GRID1: variants seen among roughly 807,000 people sequenced by gnomAD.
GRID1 encodes the protein glutamate receptor ionotropic, delta-1.
In GRID1, 28 loss-of-function variants were observed where a neutral mutation model predicts 98.0. That is an observed-to-expected ratio of 0.29 (90% CI 0.21 to 0.39). GRID1 has a LOEUF of 0.39. Among genes scored for constraint, GRID1 ranks in the 10% least tolerant of loss-of-function variants. The probability of loss-of-function intolerance (pLI) is 1.00; values close to 1 mark genes in which losing one functional copy is unlikely to be tolerated. For synonymous variants in GRID1, 553 were observed against 538.5 expected (o/e 1.03, Z -0.37); for missense variants, 1,111 against 1,340.5 (o/e 0.83, Z 2.67).
chr10:86,255,114 C>G (rs1321661687), intron 2 of GRID1, among the ~76,000 whole-genome samples: 1 of 152,202 alleles, frequency 6.6e-6, no homozygotes, highest in Non-Finnish European at 1.5e-5. Context: ...GGATGTCACC[C>G]CACACCCTTG....
intron 4 of GRID1, among the ~76,000 whole-genome samples, chr10:85,931,383 A>G (rs1021848396): frequency 6.6e-6 from 1 of 152,056 alleles, no homozygotes; most frequent in Non-Finnish European, 1.5e-5. Flanking sequence ...TATTTCTCTG[A>G]TATTTGCCTT....
At chr10:86,300,550 G>A (rs1847669753) in intron 2 of GRID1, among the ~76,000 whole-genome samples, 1 of 81,752 alleles carries the variant, frequency 1.2e-5, no homozygotes, top group African/African-American at 4.1e-5. Flanking sequence ...GGAGGGGAGG[G>A]GAGGGGAGGG....
At position 85,790,627 on chromosome 10, in the gene GRID1, T is replaced by C. The variant is rs187013609; in HGVS notation, c.1234-61013A>G. On this transcript the variant is annotated intron_variant, in intron 8 of 15. Transcript: ENST00000327946. ...ACTAGGTTTGGGGCAGGCCCTGTCC[T>C]GAGTCAGACCAGGAGCCTCCTGGCA... is the stretch of plus-strand genomic sequence containing the variant. Among the ~76,000 whole-genome samples the C allele has an allele frequency of 9.8e-5, 15 of 152,302 alleles. No individual in the cohort carries two copies. The East Asian group carries it at 2.9e-3, about 29-fold the overall frequency.
At chr10:85,652,484 G>A (rs1037131842) in intron 12 of GRID1, among the ~76,000 whole-genome samples, 1 of 152,166 alleles carries the variant, frequency 6.6e-6, no homozygotes, top group Non-Finnish European at 1.5e-5. Flanking sequence ...CTTCCTTAAG[G>A]AGAAGAGAAT....
At chr10:85,846,825 T>C (rs1564608334) in intron 8 of GRID1, among the ~76,000 whole-genome samples, 1 of 152,176 alleles carries the variant, frequency 6.6e-6, no homozygotes, top group African/African-American at 2.4e-5. Flanking sequence ...AGCAGATTGC[T>C]AAAAATGATT....
intron 4 of GRID1, among the ~76,000 whole-genome samples, chr10:86,119,408 T>G (rs981332324): frequency 1.3e-5 from 2 of 152,254 alleles, no homozygotes; most frequent in South Asian, 4.2e-4. Context: ...GTATCAATAT[T>G]GGGTCCCTAA....
intron 2 of GRID1, among the ~76,000 whole-genome samples, chr10:86,208,929 C>G (rs1046321825): frequency 3.3e-5 from 5 of 152,154 alleles, no homozygotes; most frequent in African/African-American, 1.2e-4. Flanking sequence ...TGGAATATTG[C>G]TAATGATCTA....
intron 8 of GRID1, among the ~76,000 whole-genome samples, chr10:85,765,909 A>C (rs907545874): frequency 6.6e-6 from 1 of 152,206 alleles, no homozygotes; most frequent in Admixed American, 6.5e-5. Flanking sequence ...TTAGTGGGAT[A>C]CTTTCCCATG....
At chr10:85,683,901 T>C (rs902147763) in intron 12 of GRID1, among the ~76,000 whole-genome samples, 1 of 152,210 alleles carries the variant, frequency 6.6e-6, no homozygotes, top group Non-Finnish European at 1.5e-5. Context: ...CTATTTTCTC[T>C]CGCTGGGCAC....
At chr10:86,134,941 T>C (rs999708305) in intron 4 of GRID1, among the ~76,000 whole-genome samples, 5 of 152,184 alleles carry the variant, frequency 3.3e-5, no homozygotes, top group Admixed American at 6.5e-5. Context: ...CTGGGAGCCC[T>C]GTGAGAGCAG....
chr10:85,905,065 A>G (rs1213080506), intron 5 of GRID1, among the ~76,000 whole-genome samples: 1 of 152,106 alleles, frequency 6.6e-6, no homozygotes, highest in Non-Finnish European at 1.5e-5. Flanking sequence ...GAAGAAAACC[A>G]TGCCAAGGTA....
chr10:85,671,060 T>A (rs759660845), intron 12 of GRID1, among the ~76,000 whole-genome samples: 15 of 152,174 alleles, frequency 9.9e-5, no homozygotes, highest in South Asian at 6.2e-4. Flanking sequence ...ATCCCCCAAA[T>A]ATAAAGTCTT....
At chr10:85,721,391 C>A (rs568214453) in intron 12 of GRID1, among the ~76,000 whole-genome samples, 6 of 152,282 alleles carry the variant, frequency 3.9e-5, no homozygotes, top group East Asian at 1.9e-4. Flanking sequence ...AAAACCTGCA[C>A]GCAAATGTTC....
intron 4 of GRID1, among the ~76,000 whole-genome samples, chr10:86,064,037 G>A (rs1340408642): frequency 6.6e-6 from 1 of 152,054 alleles, no homozygotes; most frequent in Non-Finnish European, 1.5e-5. Flanking sequence ...TTATCTCAAG[G>A]TACTGGGAAC....
intron 2 of GRID1, among the ~76,000 whole-genome samples, chr10:86,284,245 AC>A (rs1847397976): frequency 6.6e-6 from 1 of 152,004 alleles, no homozygotes; most frequent in Non-Finnish European, 1.5e-5. Flanking sequence ...GCCTTCACAC[AC>A]ACACCTGCAC....
intron 2 of GRID1, among the ~76,000 whole-genome samples, chr10:86,245,760 T>G (rs1409528217): frequency 2.0e-5 from 3 of 152,154 alleles, no homozygotes; most frequent in African/African-American, 7.2e-5. Flanking sequence ...CCATGAGAAG[T>G]TTGGGCAGAA....
At chr10:85,826,736 G>C (rs1842823879) in intron 8 of GRID1, among the ~76,000 whole-genome samples, 1 of 152,060 alleles carries the variant, frequency 6.6e-6, no homozygotes, top group African/African-American at 2.4e-5. Context: ...CAGATCATTG[G>C]GCCAACAGAA....
At chr10:86,110,098 G>A (rs1485972869) in intron 4 of GRID1, among the ~76,000 whole-genome samples, 1 of 151,416 alleles carries the variant, frequency 6.6e-6, no homozygotes, top group Non-Finnish European at 1.5e-5. Flanking sequence ...TCAGCTTCCT[G>A]AGTAGCTGGG....
chr10:86,242,320 C>T (rs1846650810), intron 2 of GRID1, among the ~76,000 whole-genome samples: 1 of 152,134 alleles, frequency 6.6e-6, no homozygotes, highest in South Asian at 2.1e-4. Context: ...GAGCAAAAGG[C>T]CCCACAAGTT....
Sources: allele counts gnomAD v4.1 joint callset (sites outside exome capture counted in the v4.1 genomes callset), GRCh38; gene constraint gnomAD v4.1.1; transcripts MANE v1.5; gene names NCBI Gene and HGNC (gene_info 2026-07-23, HGNC 2026-07-21).